The following CEP83 variants were observed in gnomAD, a reference collection of about 807,000 sequenced individuals.
The protein encoded by CEP83 is centrosomal protein 83.
In CEP83, 70 loss-of-function variants were observed where a neutral mutation model predicts 101.9. The ratio of observed to expected loss-of-function variants is 0.69; its 90% CI spans 0.57 to 0.84. CEP83 has a LOEUF of 0.84. CEP83 is among the 40% of genes least tolerant of loss of function. The pLI, the probability that CEP83 is intolerant of heterozygous loss-of-function variation, is 0.00. For synonymous variants in CEP83, 264 were observed against 267.9 expected, an observed-to-expected ratio of 0.99 and a Z score of 0.14; for missense variants, 715 against 787.2, an observed-to-expected ratio of 0.91 and a Z score of 1.10.
the CEP83 span, among the ~76,000 whole-genome samples, chr12:94,275,946 G>A: frequency 1.8e-4 from 27 of 150,918 alleles, no homozygotes; most frequent in African/African-American, 6.6e-4. Context: ...ATTTATGTCT[G>A]AATTTACTCT....
At position 94,332,401 on chromosome 12, in the gene CEP83, A is replaced by G. The variant is rs182378122; in HGVS notation, c.1578-572T>C. Among the ~76,000 whole-genome samples the G allele has an allele frequency of 3.8e-3, 576 of 152,332 alleles. 1 individual carries two copies. The highest frequency in any genetic ancestry group is 6.8e-3 in the Non-Finnish European group (465 of 68,012). The stretch of plus-strand genomic sequence containing the variant: ...AGTATTCTTACTATAGGCAGTACTA[A>G]TGAAAATAACAAACCCTGAGAAGTT... On this transcript the variant is annotated intron_variant, in intron 13 of 16. Transcript: ENST00000397809.
the CEP83 span, among the ~76,000 whole-genome samples, chr12:94,284,262 A>G: frequency 3.2e-4 from 48 of 152,270 alleles, no homozygotes; most frequent in African/African-American, 9.9e-4. Flanking sequence ...TGTTAGTCCT[A>G]TGAAGGCAAT....
rs201367920 is a variant in CEP83, at chr12:94,403,157, A to G, written c.417+13T>C. On this transcript the variant is annotated intron_variant, in intron 5 of 16. Coordinates refer to ENST00000397809, the MANE Select transcript of CEP83 (RefSeq NM_016122.3). ...TGAGGATAAATGCATAGTAAACAAC[A>G]TAAGTTACTTACTTCATCTAGATTC... is the stretch of plus-strand genomic sequence containing the variant. 31 of 1,290,804 alleles carry G rather than the reference A, an allele frequency of 2.4e-5. No individual in the cohort carries two copies. Among genetic ancestry groups the G allele is most frequent in the African/African-American group, 1.9e-4 (13 of 68,548 alleles). 80.0% of individuals were successfully genotyped at this position (1,290,804 alleles called of 1,614,324 possible).
intron 7 of CEP83, among the ~76,000 whole-genome samples, chr12:94,378,360 T>C (rs1400069602): frequency 1.3e-5 from 2 of 152,320 alleles, no homozygotes; most frequent in East Asian, 3.9e-4. Flanking sequence ...GAAGCTGTCG[T>C]AAGATACATC....
chr12:94,428,230 A>C (rs2065354959), intron 2 of CEP83, among the ~76,000 whole-genome samples: 2 of 152,238 alleles, frequency 1.3e-5, no homozygotes. Flanking sequence ...GTGATCTGAA[A>C]GGCAAAGATG....
chr12:94,276,135 T>G, the CEP83 span, among the ~76,000 whole-genome samples: 1 of 152,198 alleles, frequency 6.6e-6, no homozygotes, highest in Non-Finnish European at 1.5e-5. Context: ...AAGACAATAG[T>G]GCCTTTAGGT....
the CEP83 span, chr12:94,279,796 G>T: frequency 1.3e-6 from 1 of 762,102 alleles, no homozygotes; most frequent in Non-Finnish European, 2.3e-6. Context: ...GGCATGTCTA[G>T]GGGCCAAGAG....
intron 2 of CEP83, among the ~76,000 whole-genome samples, chr12:94,430,268 A>C (rs534848816): frequency 3.9e-5 from 6 of 152,274 alleles, no homozygotes; most frequent in African/African-American, 1.4e-4. Flanking sequence ...AACAAATCCC[A>C]ATCAAAAATA....
the CEP83 span, among the ~76,000 whole-genome samples, chr12:94,289,427 C>G: frequency 4.6e-5 from 7 of 152,232 alleles, no homozygotes; most frequent in East Asian, 1.3e-3. Flanking sequence ...AATTGCCGTG[C>G]GTACCAGTTC....
At chr12:94,439,610 A>T (rs902199120) in intron 1 of CEP83, among the ~76,000 whole-genome samples, 1 of 152,114 alleles carries the variant, frequency 6.6e-6, no homozygotes, top group Non-Finnish European at 1.5e-5. Context: ...TCTATCAGAC[A>T]TTCAAAGAAG....
chr12:94,444,167 G>A (rs530182910), intron 1 of CEP83, among the ~76,000 whole-genome samples: 63 of 152,200 alleles, frequency 4.1e-4, no homozygotes, highest in Non-Finnish European at 8.5e-4. Context: ...GGGAGACCGA[G>A]GTGGGCAGAT....
intron 12 of CEP83, among the ~76,000 whole-genome samples, chr12:94,334,817 TA>T (rs200136825): frequency 0.014 from 2,142 of 152,230 alleles, 18 homozygotes; most frequent in Non-Finnish European, 0.022. Context: ...TGGCAAATAT[TA>T]AATCTGTATT....
the CEP83 span, among the ~76,000 whole-genome samples, chr12:94,298,361 T>TAGAG: frequency 1.1e-4 from 17 of 152,208 alleles, no homozygotes; most frequent in African/African-American, 4.1e-4. Flanking sequence ...TTTCAACTGC[T>TAGAG]AGAGATTTCT....
intron 2 of CEP83, among the ~76,000 whole-genome samples, chr12:94,419,077 C>A (rs1375366983): frequency 6.6e-6 from 1 of 151,510 alleles, no homozygotes; most frequent in East Asian, 1.9e-4. Context: ...TCTTTATATA[C>A]ACATGTTCTG....
intron 6 of CEP83, among the ~76,000 whole-genome samples, chr12:94,382,658 T>C (rs1173524348): frequency 3.3e-5 from 5 of 151,976 alleles, no homozygotes; most frequent in Non-Finnish European, 7.4e-5. Flanking sequence ...AAGATTTCCC[T>C]GTTATTTTCT....
chr12:94,415,233 T>C (rs917317395), intron 2 of CEP83, among the ~76,000 whole-genome samples: 2 of 152,084 alleles, frequency 1.3e-5, no homozygotes, highest in East Asian at 1.9e-4. Context: ...AAAACTTATG[T>C]GGTTGAAATG....
At chr12:94,315,808 G>A (rs938239446) in intron 14 of CEP83, among the ~76,000 whole-genome samples, 1 of 151,824 alleles carries the variant, frequency 6.6e-6, no homozygotes, top group South Asian at 2.1e-4. Context: ...ATCCTTTATC[G>A]AAATGCAGTG....
intron 11 of CEP83, among the ~76,000 whole-genome samples, chr12:94,357,993 T>C (rs993188771): frequency 6.6e-6 from 1 of 152,128 alleles, no homozygotes; most frequent in African/African-American, 2.4e-5. Context: ...GTCCTACCTG[T>C]GAAATAACTA....
chr12:94,368,352 A>G, intron 9 of CEP83, 151 bp from the exon 10 acceptor site: 1 of 600,640 alleles, frequency 1.7e-6, no homozygotes, highest in Non-Finnish European at 2.8e-6. Flanking sequence ...CATCATTAAT[A>G]AACACTCTTA....
Sources: gnomAD v4.1 joint callset for allele counts (sites outside exome capture counted in the v4.1 genomes callset) on GRCh38, gnomAD v4.1.1 for gene constraint, MANE v1.5 for transcripts, NCBI Gene and HGNC (gene_info 2026-07-23, HGNC 2026-07-21) for gene names.